Variants in COLEC10 observed in about 807,000 individuals in gnomAD.
COLEC10 encodes collectin-10.
COLEC10 carries 22 observed loss-of-function variants against 28.4 expected under a neutral mutation model. The observed-to-expected ratio is 0.78, with a 90% CI of 0.55 to 1.11. The LOEUF is 1.11. Ranked by LOEUF, COLEC10 falls within the 50% of genes least tolerant of loss-of-function variation. COLEC10 has a pLI of 0.00. For missense variants in COLEC10, 361 were observed against 344.1 expected, an observed-to-expected ratio of 1.05 and a Z score of -0.39; for synonymous variants, 125 against 116.1, an observed-to-expected ratio of 1.08 and a Z score of -0.49.
chr8:119,061,772 A>G (rs995507668), intron 2 of COLEC10, among the ~76,000 whole-genome samples: 1 of 152,098 alleles, frequency 6.6e-6, no homozygotes, highest in African/African-American at 2.4e-5. Context: ...AGACGCAGAT[A>G]TCAGAAAAGG....
At chr8:119,028,761 G>T (rs1418191245) in intron 2 of COLEC10, among the ~76,000 whole-genome samples, 2 of 152,140 alleles carry the variant, frequency 1.3e-5, no homozygotes, top group Non-Finnish European at 2.9e-5. Context: ...TGTTTCAAAG[G>T]TTAATTAATA....
At chr8:119,098,844 G>A (rs188036200) in intron 3 of COLEC10, among the ~76,000 whole-genome samples, 47 of 152,070 alleles carry the variant, frequency 3.1e-4, no homozygotes, top group East Asian at 2.5e-3. Flanking sequence ...GAGATGCAAT[G>A]TTCCGTCTCA....
At chr8:118,990,079 A>C in the COLEC10 span, among the ~76,000 whole-genome samples, 7 of 150,110 alleles carry the variant, frequency 4.7e-5, no homozygotes, top group South Asian at 1.0e-3. Flanking sequence ...AGGGTACGTA[A>C]TTTCAAATCA....
chr8:119,061,230 G>A (rs1489933471), intron 2 of COLEC10, among the ~76,000 whole-genome samples: 1 of 151,922 alleles, frequency 6.6e-6, no homozygotes, highest in Non-Finnish European at 1.5e-5. Flanking sequence ...TAATCCAAAA[G>A]ATCCAATATC....
At chr8:118,985,311 T>A in the COLEC10 span, among the ~76,000 whole-genome samples, 17 of 152,104 alleles carry the variant, frequency 1.1e-4, no homozygotes, top group Non-Finnish European at 2.1e-4. Context: ...TGGTAAGGAG[T>A]ATTTGATTGC....
the COLEC10 span, among the ~76,000 whole-genome samples, chr8:118,955,789 G>A: frequency 0.094 from 14,381 of 152,202 alleles, 842 homozygotes; most frequent in African/African-American, 0.17. Flanking sequence ...ATTCCAGTAC[G>A]GTTGCTGCAT....
At position 119,105,943 on chromosome 8, in the gene COLEC10, G is replaced by A. The variant is rs756157280; in HGVS notation, c.586G>A (p.Ala196Thr). The A allele has an allele frequency of 1.4e-5, 23 of 1,613,816 alleles. No homozygotes were observed. Among genetic ancestry groups the A allele is most frequent in the Admixed American group, 1.2e-4 (7 of 59,936 alleles). ...GGATGAAGCTGCCAACACACTCATC[G>A]CTGACTATGTTGCCAAGAGTGGCTT... is the stretch of plus-strand genomic sequence containing the variant. The part of the protein sequence containing the change: ...PKDEAANTLI[A>T]DYVAKSGFFR... The change falls in exon 6 of 6, where the codon GCT (alanine) becomes ACT (threonine). Residue 196 changes from alanine (A) to threonine (T), a missense_variant. This residue lies in a region of COLEC10 where 335 missense variants were observed against 308.5 expected (regional missense o/e 1.09). Coordinates refer to ENST00000332843, the MANE Select transcript of COLEC10 (RefSeq NM_006438.5).
intron 1 of COLEC10, among the ~76,000 whole-genome samples, chr8:118,995,935 G>A (rs1237238246): frequency 6.6e-6 from 1 of 151,850 alleles, no homozygotes; most frequent in African/African-American, 2.4e-5. Flanking sequence ...GTTTTTAGAG[G>A]TACAGTACAG....
intron 1 of COLEC10, among the ~76,000 whole-genome samples, chr8:119,075,202 T>C (rs1385493): frequency 0.43 from 64,810 of 152,054 alleles, 14,244 homozygotes; most frequent in Middle Eastern, 0.51. Flanking sequence ...CTCTCTTACG[T>C]CTCTTGCTTA....
chr8:118,999,483 C>T (rs1050882380), intron 1 of COLEC10, among the ~76,000 whole-genome samples: 21 of 151,680 alleles, frequency 1.4e-4, no homozygotes, highest in African/African-American at 5.1e-4. Context: ...CCCAGCTACT[C>T]AGGAGGCTGA....
At chr8:119,028,223 A>G (rs1814228236) in intron 2 of COLEC10, among the ~76,000 whole-genome samples, 1 of 152,186 alleles carries the variant, frequency 6.6e-6, no homozygotes, top group Non-Finnish European at 1.5e-5. Context: ...CTGCTAGATA[A>G]ATAGCTAAGG....
At chr8:119,012,878 G>C (rs1813925058) in intron 2 of COLEC10, among the ~76,000 whole-genome samples, 1 of 150,296 alleles carries the variant, frequency 6.7e-6, no homozygotes, top group Non-Finnish European at 1.5e-5. Flanking sequence ...AGGCTAGCTA[G>C]AGGCTTATTG....
intron 3 of COLEC10, among the ~76,000 whole-genome samples, chr8:119,096,316 GTA>G (rs1815715925): frequency 6.6e-6 from 1 of 152,176 alleles, no homozygotes; most frequent in African/African-American, 2.4e-5. Flanking sequence ...TTCTGGCCAG[GTA>G]CAGTAGCTGA....
chr8:119,102,626 A>T, intron 4 of COLEC10: 2 of 436,688 alleles, frequency 4.6e-6, no homozygotes, highest in Non-Finnish European at 8.0e-6. Context: ...TGCCATGCTT[A>T]CTATGAGAAG....
the COLEC10 span, among the ~76,000 whole-genome samples, chr8:118,956,789 G>A: frequency 1.3e-5 from 2 of 152,132 alleles, no homozygotes; most frequent in Non-Finnish European, 2.9e-5. Flanking sequence ...ATTCAGAAAT[G>A]CTCCCCACTT....
Position 119,078,005 on chromosome 8 carries a change from C to T in COLEC10, c.148+10576C>T, listed in dbSNP as rs73327207. Among the ~76,000 whole-genome samples, 973 of 152,076 alleles carry T rather than the reference C, an allele frequency of 6.4e-3. 10 individuals are homozygous for T. The highest frequency in any genetic ancestry group is 0.022 in the African/African-American group (915 of 41,480). ...CATGGCAGAAGAGCAAAAGAAAGGA[C>T]GATAGTGTCACACTCTTTCAAATAA... On this transcript the variant is annotated intron_variant, in intron 1 of 5. Transcript: ENST00000332843.
At chr8:119,086,708 A>G (rs1449451617) in intron 1 of COLEC10, among the ~76,000 whole-genome samples, 1 of 152,204 alleles carries the variant, frequency 6.6e-6, no homozygotes, top group East Asian at 1.9e-4. Flanking sequence ...GAAGGGGAAG[A>G]AGGAAGGAGA....
At chr8:118,982,339 A>G in the COLEC10 span, among the ~76,000 whole-genome samples, 1 of 152,140 alleles carries the variant, frequency 6.6e-6, no homozygotes, top group East Asian at 1.9e-4. Flanking sequence ...GAAAAACTCA[A>G]AATGAAACTC....
At chr8:119,082,751 A>G (rs750450639) in intron 1 of COLEC10, among the ~76,000 whole-genome samples, 11 of 152,228 alleles carry the variant, frequency 7.2e-5, no homozygotes, top group Non-Finnish European at 1.6e-4. Flanking sequence ...CTGCCCTCAT[A>G]TAAGGACAAT....
Sources: gnomAD v4.1 joint callset for allele counts (sites outside exome capture counted in the v4.1 genomes callset) on GRCh38, gnomAD v4.1.1 for gene constraint, gnomAD v4.1.1 regional missense constraint, MANE v1.5 for transcripts, NCBI Gene and HGNC (gene_info 2026-07-23, HGNC 2026-07-21) for gene names.